The following SYNE2 variants were observed in gnomAD, a reference collection of about 807,000 sequenced individuals.
SYNE2 encodes spectrin repeat containing nuclear envelope protein 2, also known as nesprin-2.
Under a neutral mutation model 856.3 loss-of-function variants are expected in SYNE2, and 431 were observed. The ratio of observed to expected loss-of-function variants is 0.50; its 90% CI spans 0.47 to 0.55. The LOEUF is 0.55. SYNE2 is among the 20% of genes least tolerant of loss of function. SYNE2 has a pLI of 0.00. For missense variants in SYNE2, 8,129 were observed against 8,023.2 expected (o/e 1.01, Z -0.50); for synonymous variants, 2,923 against 2,872.3 (o/e 1.02, Z -0.56).
At chr14:63,936,580 C>G (rs574099247) in intron 2 of SYNE2, among the ~76,000 whole-genome samples, 1 of 152,174 alleles carries the variant, frequency 6.6e-6, no homozygotes, top group South Asian at 2.1e-4. Context: ...TGGGAATGGG[C>G]CTGGGGAGTT....
rs761177602 is a variant in SYNE2, at chr14:64,159,343, G to A, written c.15995G>A (p.Gly5332Glu). 5.6e-6 allele frequency: 9 copies of A among 1,613,824 alleles called. No individual in the cohort carries two copies. The highest frequency in any genetic ancestry group is 4.5e-5 in the East Asian group (2 of 44,880). ...SLQDEAESSE[G>E]SWEKLQEVIG... ...CAAGATGAAGCTGAGAGCAGTGAAGGGAGTTGGGAGAAACTCCAGGAGGTT... is the reference window on the plus strand; with the variant it reads ...CAAGATGAAGCTGAGAGCAGTGAAGAGAGTTGGGAGAAACTCCAGGAGGTT... Residue 5332 changes from glycine (G) to glutamate (E), a missense_variant, in exon 87 of 116, where the codon GGG (glycine) becomes GAG (glutamate). Gly to Glu is a moderately conservative substitution (Grantham distance 98, BLOSUM62 -2). This residue lies in a region of SYNE2 where 5,410 missense variants were observed against 5,284.8 expected (regional missense o/e 1.02). Coordinates refer to ENST00000555002, the MANE Select transcript of SYNE2 (RefSeq NM_182914.3).
chr14:63,909,511 T>A (rs1227642354), intron 2 of SYNE2, among the ~76,000 whole-genome samples: 1 of 152,174 alleles, frequency 6.6e-6, no homozygotes, highest in Non-Finnish European at 1.5e-5. Context: ...TGCTTGGCAT[T>A]GTTTTTACTT....
At chr14:64,057,415 C>T (rs1413870093) in intron 49 of SYNE2, among the ~76,000 whole-genome samples, 1 of 152,014 alleles carries the variant, frequency 6.6e-6, no homozygotes, top group Admixed American at 6.6e-5. Context: ...AACATAATGA[C>T]CTCCAGTTCC....
chr14:64,053,024 GT>G lies in SYNE2; in HGVS notation c.9113del (p.Leu3038TrpfsTer15). On this transcript the variant is annotated frameshift_variant, in exon 48 of 116. Transcript: ENST00000555002. LOFTEE classifies it high-confidence loss of function. ...EKELEEKIKQ[L>X]DTFEEEHGKY... is the part of the protein sequence containing the mutation. ...AGGAACTTGAAGAAAAAATTAAGCA[GT>G]TGGACACATTTGAGGAAGAACATGG... The G allele has an allele frequency of 6.2e-7, 1 of 1,613,580 alleles. No individual in the cohort carries two copies. The highest frequency in any genetic ancestry group is 8.5e-7 in the Non-Finnish European group (1 of 1,179,928).
At chr14:64,039,521 ACAGACC>A (rs1224946742) in intron 45 of SYNE2, among the ~76,000 whole-genome samples, 1 of 152,222 alleles carries the variant, frequency 6.6e-6, no homozygotes, top group Non-Finnish European at 1.5e-5. Flanking sequence ...TCTTTTCCAA[ACAGACC>A]CAAATGAAAG....
intron 87 of SYNE2, among the ~76,000 whole-genome samples, chr14:64,160,735 C>G (rs1207520095): frequency 6.6e-6 from 1 of 152,072 alleles, no homozygotes; most frequent in Non-Finnish European, 1.5e-5. Flanking sequence ...GGAGATTGAC[C>G]ATTTATTCCC....
At chr14:64,199,711 C>A (rs1253465262) in intron 99 of SYNE2, among the ~76,000 whole-genome samples, 1 of 99,972 alleles carries the variant, frequency 1.0e-5, no homozygotes, top group Non-Finnish European at 1.9e-5. Flanking sequence ...GAGACTCTGT[C>A]TCAAAAAAAA....
At chr14:64,115,644 A>C (rs541773694) in intron 66 of SYNE2, among the ~76,000 whole-genome samples, 2 of 152,296 alleles carry the variant, frequency 1.3e-5, no homozygotes, top group South Asian at 4.2e-4. Flanking sequence ...CAAATGTGTA[A>C]AAATTTGAGT....
At chr14:63,945,169 TACAC>T (rs766814082) in intron 6 of SYNE2, among the ~76,000 whole-genome samples, 26 of 147,220 alleles carry the variant, frequency 1.8e-4, no homozygotes, top group Non-Finnish European at 3.0e-4. Context: ...GTATATGTAA[TACAC>T]ACAGATAAAA....
chr14:64,178,532 A>AC (rs753044308), intron 96 of SYNE2, among the ~76,000 whole-genome samples: 46 of 152,160 alleles, frequency 3.0e-4, no homozygotes, highest in Non-Finnish European at 5.9e-4. Context: ...GTCTCAGCTC[A>AC]CTACAACCTC....
In SYNE2 at chr14:64,209,421, C is replaced by A; in HGVS notation, c.18390-7C>A. 6 of 1,614,182 alleles carry A rather than the reference C, an allele frequency of 3.7e-6. No homozygotes were observed. Among genetic ancestry groups the A allele is most frequent in the Non-Finnish European group, 4.2e-6 (5 of 1,180,038 alleles). ...TGGCTTGTGTTAAGTTGCTTTGCTC[C>A]CATCAGAATCGAGGAGACGTGGCGC... On this transcript the variant is annotated splice_polypyrimidine_tract_variant and splice_region_variant and intron_variant, in intron 101 of 115. Coordinates refer to ENST00000555002, the MANE Select transcript of SYNE2 (RefSeq NM_182914.3).
chr14:64,106,731 G>A (rs999150457), intron 64 of SYNE2, among the ~76,000 whole-genome samples: 6 of 152,222 alleles, frequency 3.9e-5, no homozygotes, highest in Non-Finnish European at 8.8e-5. Context: ...CTTTTGTGGT[G>A]CATATTATTT....
At chr14:64,177,619 C>G (rs2098440909) in intron 96 of SYNE2, 136 bp downstream of exon 96, 2 of 1,135,980 alleles carry the variant, frequency 1.8e-6, no homozygotes, top group Admixed American at 3.7e-5. Flanking sequence ...ATCTGTCTAA[C>G]ATAACATGCT....
At chr14:63,927,508 C>T (rs1011789797) in intron 2 of SYNE2, among the ~76,000 whole-genome samples, 3 of 152,242 alleles carry the variant, frequency 2.0e-5, no homozygotes, top group African/African-American at 7.2e-5. Flanking sequence ...ATACTATTCT[C>T]GTGATAATGA....
chr14:64,071,131 T>A (rs1026437188), intron 52 of SYNE2, among the ~76,000 whole-genome samples: 1 of 152,214 alleles, frequency 6.6e-6, no homozygotes, highest in Non-Finnish European at 1.5e-5. Flanking sequence ...TTTCCTTTTT[T>A]ATCATTTGTG....
intron 2 of SYNE2, among the ~76,000 whole-genome samples, chr14:63,911,749 T>G (rs1566781052): frequency 6.6e-6 from 1 of 152,226 alleles, no homozygotes; most frequent in African/African-American, 2.4e-5. Flanking sequence ...CCTTAACCTA[T>G]TCAATCCATA....
intron 73 of SYNE2, among the ~76,000 whole-genome samples, chr14:64,127,260 CAA>C (rs1201249948): frequency 7.1e-6 from 1 of 140,788 alleles, no homozygotes. Context: ...GACTCCATCT[CAA>C]AAAAAAAAAG....
chr14:64,126,480 G>A lies in SYNE2; in HGVS notation c.13707+1G>A. On this transcript the variant is annotated splice_donor_variant, in intron 72 of 115. Coordinates refer to ENST00000555002, the MANE Select transcript of SYNE2 (RefSeq NM_182914.3). LOFTEE classifies it high-confidence loss of function. The stretch of plus-strand genomic sequence containing the variant: ...TTCTGGCCAGCAGGTGCACTACGAG[G>A]TAGGGCACTTCTCACGAGCCCATGT... 6.2e-7 allele frequency: 1 copy of A among 1,614,136 alleles called. No homozygotes were observed. Among genetic ancestry groups the A allele is most frequent in the South Asian group, 1.1e-5 (1 of 91,082 alleles).
chr14:64,105,143 T>C (rs2097762939), intron 64 of SYNE2, among the ~76,000 whole-genome samples: 1 of 152,224 alleles, frequency 6.6e-6, no homozygotes, highest in South Asian at 2.1e-4. Context: ...CAATTCTTAT[T>C]ACTTCCCTGG....
Sources: allele counts gnomAD v4.1 joint callset (sites outside exome capture counted in the v4.1 genomes callset), GRCh38; gene constraint gnomAD v4.1.1; regional missense constraint gnomAD v4.1.1; transcripts MANE v1.5; gene names NCBI Gene and HGNC (gene_info 2026-07-23, HGNC 2026-07-21).